The following BTD variants were observed in gnomAD, a reference collection of about 807,000 sequenced individuals.
BTD encodes biotinidase, also known as biocytinase.
Under a neutral mutation model 17.7 loss-of-function variants are expected in BTD, and 13 were observed. The observed-to-expected ratio is 0.74, with a 90% CI of 0.48 to 1.17. The LOEUF (loss-of-function observed/expected upper bound fraction) is 1.17, where lower values mean the gene tolerates loss of function less well. Among genes scored for constraint, BTD ranks in the 50% most tolerant of loss-of-function variants. BTD has a pLI of 0.00. For synonymous variants in BTD, 240 were observed against 245.2 expected (o/e 0.98, Z 0.20); for missense variants, 674 against 650.4 (o/e 1.04, Z -0.39).
At position 15,687,332 on chromosome 3, in the gene BTD, G is replaced by GATAT. The variant is rs113439164; in HGVS notation, c.400-22716_400-22713dup. Among the ~76,000 whole-genome samples the GATAT allele has an allele frequency of 6.7e-3, 1,011 of 150,176 alleles. 8 individuals are homozygous for GATAT. The highest frequency in any genetic ancestry group is 0.024 in the African/African-American group (976 of 41,000). On this transcript the variant is annotated intron_variant, in intron 3 of 3. Transcript: ENST00000672141. Reference sequence around the variant, plus strand: ...ATTTATGGCTGAAATAATTTCAAATGATATATATATATATACATACAGTAC... The same window carrying GATAT: ...ATTTATGGCTGAAATAATTTCAAATGATATATATATATATATATACATACAGTAC...
At position 15,635,289 on chromosome 3, in the gene BTD, GAAAC is replaced by G; in HGVS notation, c.-16-130_-16-127del. On this transcript the variant is annotated intron_variant, in intron 1 of 3. Coordinates refer to ENST00000643237, the MANE Select transcript of BTD (RefSeq NM_001370658.1). This position sits in a 1 kb window ranked among gnomAD's most constrained non-coding sequence, Gnocchi z 4.1. ...ACACATACTCTTTTATTAGGAACAT[GAAAC>G]AAACTCTTTGAGCCGCAGTATCACT... 7.3e-7 allele frequency: 1 copy of G among 1,361,924 alleles called. No individual in the cohort carries two copies. Among genetic ancestry groups the G allele is most frequent in the Admixed American group, 1.7e-5 (1 of 58,888 alleles). 84.4% of individuals were successfully genotyped at this position (1,361,924 alleles called of 1,614,324 possible). A position where few individuals can be genotyped will look rare whatever the true frequency, so the allele number is the denominator to read the frequency against.
chr3:15,703,314 A>AT (rs991643050), intron 3 of BTD, among the ~76,000 whole-genome samples: 2 of 152,194 alleles, frequency 1.3e-5, no homozygotes, highest in Non-Finnish European at 1.5e-5. Context: ...ATGTAGCCTC[A>AT]TTTCCTAAGA....
rs1321707307 is a variant in BTD, at chr3:15,652,103, C to T, written c.*6615C>T. Among the ~76,000 whole-genome samples, 5 of 152,296 alleles carry T rather than the reference C, an allele frequency of 3.3e-5. No individual in the cohort carries two copies. Among genetic ancestry groups the T allele is most frequent in the Admixed American group, 2.0e-4 (3 of 15,298 alleles). ...CAGCACTTTGGGAGGCCAAGCCTGG[C>T]GGATCACAAGGTTAGGAGTTCAAGA... On this transcript the variant is annotated 3_prime_UTR_variant, in exon 4 of 4. Transcript: ENST00000643237.
At chr3:15,711,286 A>G (rs1158346402) in exon 4 of BTD, 5 of 1,596,980 alleles carry the variant, frequency 3.1e-6, no homozygotes, top group Non-Finnish European at 4.3e-6. Flanking sequence ...TACAAGAATG[A>G]ATACATCTTA....
At position 15,671,578 on chromosome 3, in the gene BTD, G is replaced by GTTTTT. The variant is rs869032190; in HGVS notation, c.399+29527_399+29531dup. Reference sequence around the variant, plus strand: ...TCAACTTGGAGTCATAAACACTATAGTTTTTTTTTTGTTTTTTTTTTTTTG... The same window carrying GTTTTT: ...TCAACTTGGAGTCATAAACACTATAGTTTTTTTTTTTTTTTGTTTTTTTTTTTTTG... On this transcript the variant is annotated intron_variant, in intron 3 of 3. Transcript: ENST00000672141. Among the ~76,000 whole-genome samples the GTTTTT allele has an allele frequency of 6.9e-4, 97 of 141,338 alleles. 2 individuals carry two copies. Among genetic ancestry groups the GTTTTT allele is most frequent in the African/African-American group, 2.6e-3 (94 of 36,832 alleles). 92.7% of individuals were successfully genotyped at this position (141,338 alleles called of 152,430 possible). A position where few individuals can be genotyped will look rare whatever the true frequency, so the allele number is the denominator to read the frequency against.
rs1255291132 is a variant in BTD at position 15,648,826 on chromosome 3, A to G, written c.*3338A>G. On this transcript the variant is annotated 3_prime_UTR_variant, in exon 4 of 4. Transcript: ENST00000643237. Reference sequence around the variant, plus strand: ...TCCAATATGACATGTCCTTATCAGAAGAGGAGAAGACACACACACAGGGAG... The same window carrying G: ...TCCAATATGACATGTCCTTATCAGAGGAGGAGAAGACACACACACAGGGAG... Among the ~76,000 whole-genome samples, 1 of 149,994 alleles carries G rather than the reference A, an allele frequency of 6.7e-6. No individual in the cohort carries two copies. The highest frequency in any genetic ancestry group is 1.5e-5 in the Non-Finnish European group (1 of 67,640).
At chr3:15,616,865 C>A (rs554776444) in intron 1 of BTD, among the ~76,000 whole-genome samples, 1 of 151,958 alleles carries the variant, frequency 6.6e-6, no homozygotes, top group Non-Finnish European at 1.5e-5. Flanking sequence ...TCGAGTCTCA[C>A]TCTGTCACCC....
chr3:15,690,732 TTTTTC>T (rs1232545833), intron 3 of BTD, among the ~76,000 whole-genome samples: 3 of 152,090 alleles, frequency 2.0e-5, no homozygotes, highest in Non-Finnish European at 4.4e-5. Context: ...GCCCAGCTAA[TTTTTC>T]TTTTAATTTT....
intron 3 of BTD, 151 bp downstream of exon 3, chr3:15,642,208 G>A: frequency 6.7e-7 from 1 of 1,498,300 alleles, no homozygotes; most frequent in Non-Finnish European, 8.9e-7. Context: ...TGTGCCACAT[G>A]TTCATTCCAT....
intron 1 of BTD, among the ~76,000 whole-genome samples, chr3:15,611,867 G>A (rs9836533): frequency 1.3e-5 from 2 of 151,636 alleles, no homozygotes; most frequent in Non-Finnish European, 2.9e-5. Context: ...ATTGAATGAG[G>A]TGATTATTCT....
chr3:15,669,633 T>C lies in BTD; in HGVS notation c.399+27576T>C, dbSNP rs2066168079. The C allele has an allele frequency of 2.0e-5, 3 of 152,282 alleles. No homozygotes were observed. In the South Asian group the frequency reaches 6.2e-4, roughly 32 times the overall value. The allele number at this position is 152,282 out of a possible 1,614,324, so 9.4% of individuals were successfully genotyped here. A position where few individuals can be genotyped will look rare whatever the true frequency, so the allele number is the denominator to read the frequency against. ...AATGTAAAAATACATCTGCTTTCTC[T>C]CATGGTTTAATACAGCATTGGAAGG... On this transcript the variant is annotated intron_variant, in intron 3 of 3. Coordinates refer to the BTD transcript ENST00000672141.
intron 3 of BTD, chr3:15,668,370 A>G (rs2066088233): frequency 6.6e-6 from 1 of 151,392 alleles, no homozygotes; most frequent in Non-Finnish European, 1.5e-5. Context: ...TTTTTTTTTC[A>G]AAAGGTACAA....
chr3:15,601,389 T>C (rs769957337), upstream of BTD: 1 of 1,614,048 alleles, frequency 6.2e-7, no homozygotes, highest in African/African-American at 1.3e-5. Flanking sequence ...GTACTTGCGT[T>C]TTCAGGGCCT....
intron 3 of BTD, among the ~76,000 whole-genome samples, chr3:15,672,383 C>T (rs2066466304): frequency 1.3e-5 from 2 of 152,124 alleles, no homozygotes; most frequent in African/African-American, 4.8e-5. Context: ...TTTAAGTGAT[C>T]TTCCCGCCTC....
chr3:15,702,214 C>T (rs2470550), intron 3 of BTD, among the ~76,000 whole-genome samples: 89,200 of 151,960 alleles, frequency 0.59, 26,436 homozygotes, highest in Middle Eastern at 0.65. Context: ...TCAGGTCTTC[C>T]CTTTATCCAT....
At chr3:15,615,119 C>T (rs2064756026) in intron 1 of BTD, among the ~76,000 whole-genome samples, 1 of 152,210 alleles carries the variant, frequency 6.6e-6, no homozygotes, top group Non-Finnish European at 1.5e-5. Flanking sequence ...CAACCCAGGA[C>T]ACTCAGTCTT....
chr3:15,639,704 C>G (rs1575020417), intron 2 of BTD, among the ~76,000 whole-genome samples: 1 of 152,172 alleles, frequency 6.6e-6, no homozygotes, highest in East Asian at 1.9e-4. Context: ...GATAATTTTT[C>G]TTTACATGGT....
At chr3:15,628,728 G>T (rs905693316) in intron 1 of BTD, among the ~76,000 whole-genome samples, 38 of 152,136 alleles carry the variant, frequency 2.5e-4, no homozygotes, top group Non-Finnish European at 4.4e-4. Context: ...TTTCCTTGCT[G>T]CCTGGTCAAG....
intron 3 of BTD, among the ~76,000 whole-genome samples, chr3:15,706,378 A>G (rs1207734611): frequency 2.0e-3 from 1 of 504 alleles, no homozygotes; most frequent in African/African-American, 7.2e-3. Flanking sequence ...GCTCAGAATG[A>G]TGTTTCCAGC....
Sources: allele counts gnomAD v4.1 joint callset (sites outside exome capture counted in the v4.1 genomes callset), GRCh38; gene constraint gnomAD v4.1.1; non-coding constraint Gnocchi (gnomAD v3.1); transcripts MANE v1.5; gene names NCBI Gene and HGNC (gene_info 2026-07-23, HGNC 2026-07-21).